ATP6V0A4: variants seen among roughly 807,000 people sequenced by gnomAD.
ATP6V0A4 encodes ATPase H+ transporting V0 subunit a4.
A neutral mutation model predicts 107.3 loss-of-function variants in ATP6V0A4; 86 were observed. The observed-to-expected ratio is 0.80, with a 90% CI of 0.67 to 0.96. The LOEUF (loss-of-function observed/expected upper bound fraction) is 0.96, where lower values mean the gene tolerates loss of function less well. Among genes scored for constraint, ATP6V0A4 ranks in the 40% least tolerant of loss-of-function variants. The pLI is 0.00. For missense variants in ATP6V0A4, 908 were observed against 1,045.6 expected, an observed-to-expected ratio of 0.87 and a Z score of 1.81; for synonymous variants, 353 against 381.4, an observed-to-expected ratio of 0.93 and a Z score of 0.87.
intron 19 of ATP6V0A4, among the ~76,000 whole-genome samples, chr7:138,719,462 C>T (rs1804317866): frequency 6.6e-6 from 1 of 152,174 alleles, no homozygotes; most frequent in Non-Finnish European, 1.5e-5. Flanking sequence ...GCTGGGGACT[C>T]TGCAGCAACT....
chr7:138,740,838 A>G (rs1209528243), intron 14 of ATP6V0A4, among the ~76,000 whole-genome samples: 2 of 151,690 alleles, frequency 1.3e-5, no homozygotes, highest in Non-Finnish European at 2.9e-5. Flanking sequence ...CCAAGGAATG[A>G]GCATTTGAAA....
chr7:138,726,186 T>G (rs1804709310), intron 18 of ATP6V0A4, among the ~76,000 whole-genome samples: 2 of 152,014 alleles, frequency 1.3e-5, no homozygotes, highest in Non-Finnish European at 2.9e-5. Flanking sequence ...AGACGGGGTT[T>G]CACCGTGTTA....
chr7:138,752,969 C>T lies in ATP6V0A4; in HGVS notation c.817-132G>A, dbSNP rs416119. The T allele has an allele frequency of 0.079, 120,418 of 1,515,972 alleles. 5,440 individuals carry two copies. The highest frequency in any genetic ancestry group is 0.093 in the Non-Finnish European group (104,958 of 1,133,006). 93.9% of individuals were successfully genotyped at this position (1,515,972 alleles called of 1,614,324 possible). On this transcript the variant is annotated intron_variant, in intron 10 of 21. Coordinates refer to ENST00000310018, the MANE Select transcript of ATP6V0A4 (RefSeq NM_020632.3). Reference sequence around the variant, plus strand: ...AGGCTCCTTTGACCTGTGGCTGTCACCTGGCCTTGAACTCTCCTGAGCAGT... The same window carrying T: ...AGGCTCCTTTGACCTGTGGCTGTCATCTGGCCTTGAACTCTCCTGAGCAGT...
chr7:138,767,671 G>T (rs2117328988), intron 5 of ATP6V0A4, among the ~76,000 whole-genome samples: 1 of 149,852 alleles, frequency 6.7e-6, no homozygotes, highest in African/African-American at 2.5e-5. Flanking sequence ...CCCAGCCAGA[G>T]AAAAGGCTCA....
At chr7:138,712,235 C>CG (rs1407245370) in intron 20 of ATP6V0A4, among the ~76,000 whole-genome samples, 3 of 151,778 alleles carry the variant, frequency 2.0e-5, no homozygotes, top group African/African-American at 7.3e-5. Flanking sequence ...ACGCCCAGCC[C>CG]CACTTTGTTC....
chr7:138,759,322 T>C (rs1806670665), intron 8 of ATP6V0A4, among the ~76,000 whole-genome samples: 1 of 152,018 alleles, frequency 6.6e-6, no homozygotes, highest in African/African-American at 2.4e-5. Context: ...CCCAAAGCGC[T>C]GAGATTACAG....
chr7:138,790,187 G>A (rs971879196), intron 1 of ATP6V0A4, among the ~76,000 whole-genome samples: 10 of 151,748 alleles, frequency 6.6e-5, no homozygotes, highest in Non-Finnish European at 1.3e-4. Flanking sequence ...TACAAAACTG[G>A]AATTATATTG....
At chr7:138,771,074 A>C in intron 3 of ATP6V0A4, 57 bp downstream of exon 3, 87 of 1,490,468 alleles carry the variant, frequency 5.8e-5, no homozygotes, top group Non-Finnish European at 7.4e-5. Flanking sequence ...GTGTTGTGCA[A>C]GAGTTATCTA....
At chr7:138,732,840 TAAAAG>T (rs769919220) in intron 17 of ATP6V0A4, 32 bp downstream of exon 17, 3 of 1,454,782 alleles carry the variant, frequency 2.1e-6, no homozygotes, top group Non-Finnish European at 2.7e-6. Context: ...ATCAAGTAAA[TAAAAG>T]AAGAGTAAAA....
intron 5 of ATP6V0A4, among the ~76,000 whole-genome samples, chr7:138,763,248 G>C (rs915909160): frequency 3.3e-5 from 5 of 151,996 alleles, no homozygotes; most frequent in African/African-American, 9.7e-5. Flanking sequence ...CACCAAACGA[G>C]AGGATTAGGA....
intron 2 of ATP6V0A4, among the ~76,000 whole-genome samples, chr7:138,784,374 A>G (rs1808087316): frequency 6.9e-6 from 1 of 145,054 alleles, no homozygotes. Flanking sequence ...GCTGGGGTGC[A>G]GTGGCGCAAT....
At chr7:138,714,619 C>A (rs186625912) in intron 20 of ATP6V0A4, among the ~76,000 whole-genome samples, 5 of 152,210 alleles carry the variant, frequency 3.3e-5, no homozygotes, top group Admixed American at 3.3e-4. Flanking sequence ...AATTGTATTT[C>A]TGGGCCTGGC....
intron 3 of ATP6V0A4, 57 bp from the exon 4 acceptor site, chr7:138,769,308 C>CTT: frequency 8.0e-7 from 1 of 1,248,438 alleles, no homozygotes; most frequent in Admixed American, 2.9e-5. Context: ...CAATAGATTT[C>CTT]TTTCTTTTTT....
chr7:138,757,237 C>T (rs916394620), intron 8 of ATP6V0A4, among the ~76,000 whole-genome samples: 5 of 152,246 alleles, frequency 3.3e-5, no homozygotes, highest in South Asian at 2.1e-4. Flanking sequence ...AAACCCAGAC[C>T]GGGTGCAGTA....
chr7:138,725,268 T>C (rs1437370772), intron 18 of ATP6V0A4, among the ~76,000 whole-genome samples: 1 of 152,106 alleles, frequency 6.6e-6, no homozygotes, highest in East Asian at 1.9e-4. Flanking sequence ...TATCTAAAAA[T>C]ACATACATAA....
chr7:138,707,096 A>T (rs1584880273), intron 21 of ATP6V0A4, among the ~76,000 whole-genome samples: 2 of 46,366 alleles, frequency 4.3e-5, no homozygotes, highest in Non-Finnish European at 6.5e-5. Flanking sequence ...GTGTGTGTAT[A>T]ATATATCATA....
rs542919905 is a variant in ATP6V0A4 at position 138,721,917 on chromosome 7, G to A, written c.2119C>T (p.Leu707=). Residue 707 remains leucine (L), a synonymous_variant, in exon 19 of 22, where the codon CTG becomes TTG. Transcript: ENST00000310018. ...QRTSADTHGA[L]DDHGEEFNFG... is the part of the protein sequence containing the mutation. ...GATACCTCTTCTCCATGGTCGTCCA[G>A]AGCCCCGTGGGTATCTGCAGAAGTC... The A allele has an allele frequency of 4.8e-5, 77 of 1,614,092 alleles. 2 individuals are homozygous for A. The South Asian group carries it at 8.5e-4, about 18-fold the overall frequency.
rs1804839563 is a variant in ATP6V0A4 at position 138,728,761 on chromosome 7, C to G, written c.2010G>C (p.Gln670His). ...FILRASHRKS[Q>H]LQASRIQEDA... ...GTGAACTGAAACAAACAGCCCTTAC[C>G]TGGGATTTCCGATGACTGGCTCTAA... The change falls in exon 18 of 22, where the codon CAG becomes CAC. Residue 670 changes from glutamine (Q) to histidine (H), a missense_variant and splice_region_variant. By Grantham distance (24) the Gln-to-His change is conservative. Transcript: ENST00000310018. The G allele has an allele frequency of 6.2e-7, 1 of 1,614,154 alleles. No homozygotes were observed. Among genetic ancestry groups the G allele is most frequent in the Non-Finnish European group, 8.5e-7 (1 of 1,180,028 alleles).
Position 138,762,895 on chromosome 7 carries a change from A to T in ATP6V0A4, c.417+5T>A. On this transcript the variant is annotated splice_donor_5th_base_variant and intron_variant, in intron 6 of 21. Coordinates refer to ENST00000310018, the MANE Select transcript of ATP6V0A4 (RefSeq NM_020632.3). ...CCCTTTAGTAACTCATCCCCACGTG[A>T]CCACCTCAAAGAAGTCTTGGGTTTT... The T allele has an allele frequency of 6.2e-7, 1 of 1,614,036 alleles. No individual in the cohort carries two copies. The highest frequency in any genetic ancestry group is 8.5e-7 in the Non-Finnish European group (1 of 1,179,960).
Sources: gnomAD v4.1 joint callset for allele counts (sites outside exome capture counted in the v4.1 genomes callset) on GRCh38, gnomAD v4.1.1 for gene constraint, MANE v1.5 for transcripts, NCBI Gene and HGNC (gene_info 2026-07-23, HGNC 2026-07-21) for gene names.